Variants in LPP observed in about 807,000 individuals in gnomAD.
LPP encodes LIM domain containing preferred translocation partner in lipoma.
Under a neutral mutation model 60.4 loss-of-function variants are expected in LPP, and 38 were observed. The ratio of observed to expected loss-of-function variants is 0.63; its 90% CI spans 0.49 to 0.83. LPP has a LOEUF of 0.83. LPP is among the 40% of genes least tolerant of loss of function. The pLI is 0.00. For missense variants in LPP, 902 were observed against 783.6 expected (o/e 1.15, Z -1.80); for synonymous variants, 328 against 290.8 (o/e 1.13, Z -1.30).
At chr3:188,248,467 T>TC (rs1560154756) in intron 2 of LPP, among the ~76,000 whole-genome samples, 2 of 114,772 alleles carry the variant, frequency 1.7e-5, no homozygotes, top group Non-Finnish European at 3.5e-5. Flanking sequence ...GCAGTATAAC[T>TC]TTATATATAT....
chr3:188,696,240 T>TCTCA lies in LPP; in HGVS notation c.1114-12025_1114-12024insCACT, dbSNP rs536856405. On this transcript the variant is annotated intron_variant, in intron 7 of 11. Transcript: ENST00000617246. ...ACACAGTACTCTCTCTCTCTCTCTCTCTGTCTCTCTTAATCTGTATCATCC... is the reference window on the plus strand; with the variant it reads ...ACACAGTACTCTCTCTCTCTCTCTCTCTCACTGTCTCTCTTAATCTGTATCATCC... Among the ~76,000 whole-genome samples, 118 of 152,264 alleles carry TCTCA rather than the reference T, an allele frequency of 7.7e-4. 1 individual carries two copies. In the Middle Eastern group the frequency reaches 0.02, roughly 26 times the overall value.
chr3:188,182,667 T>C lies in LPP; in HGVS notation c.-190+28415T>C, dbSNP rs1725363128. ...ATGATGGTGTTTGCTGAAGGGAACATAGGGATCTTTAAGTCCAGTGATTTT... is the reference window on the plus strand; with the variant it reads ...ATGATGGTGTTTGCTGAAGGGAACACAGGGATCTTTAAGTCCAGTGATTTT... On this transcript the variant is annotated intron_variant, in intron 1 of 11. Coordinates refer to ENST00000617246, the MANE Select transcript of LPP (RefSeq NM_001375462.1). This position sits in a 1 kb window ranked among gnomAD's most constrained non-coding sequence, Gnocchi z 4.4. 6.6e-6 allele frequency among the ~76,000 whole-genome samples: 1 copy of C among 151,782 alleles called. No homozygotes were observed. Among genetic ancestry groups the C allele is most frequent in the Non-Finnish European group, 1.5e-5 (1 of 67,954 alleles).
intron 10 of LPP, among the ~76,000 whole-genome samples, chr3:188,871,319 C>A (rs1768032374): frequency 6.6e-6 from 1 of 152,152 alleles, no homozygotes; most frequent in East Asian, 1.9e-4. Context: ...TTTTTTGCCA[C>A]TGAATATAAA....
chr3:188,455,367 G>A (rs369700833), intron 4 of LPP, among the ~76,000 whole-genome samples: 18 of 152,230 alleles, frequency 1.2e-4, no homozygotes, highest in African/African-American at 2.9e-4. Context: ...TAGAATATGC[G>A]CACACCCAGG....
chr3:188,715,551 A>C (rs1335811586), intron 8 of LPP, among the ~76,000 whole-genome samples: 1 of 152,200 alleles, frequency 6.6e-6, no homozygotes, highest in Non-Finnish European at 1.5e-5. Context: ...GGACATCTAC[A>C]GGGCTAGTTG....
intron 2 of LPP, among the ~76,000 whole-genome samples, chr3:188,313,565 A>T (rs1012676184): frequency 4.6e-5 from 7 of 151,184 alleles, no homozygotes; most frequent in African/African-American, 1.5e-4. Context: ...TTGAACTGGG[A>T]GGTGGAGGTT....
At chr3:188,645,515 G>C (rs2148880550) in intron 7 of LPP, among the ~76,000 whole-genome samples, 1 of 152,242 alleles carries the variant, frequency 6.6e-6, no homozygotes, top group Non-Finnish European at 1.5e-5. Flanking sequence ...ATCAGATGTT[G>C]TTATGTGAGG....
intron 2 of LPP, among the ~76,000 whole-genome samples, chr3:188,240,951 C>G (rs1724392508): frequency 6.6e-6 from 1 of 152,238 alleles, no homozygotes; most frequent in East Asian, 1.9e-4. Flanking sequence ...ATGTCCTTAA[C>G]TATATGATTC....
intron 5 of LPP, among the ~76,000 whole-genome samples, chr3:188,509,850 G>C (rs527376789): frequency 6.8e-6 from 1 of 146,390 alleles, no homozygotes; most frequent in Non-Finnish European, 1.5e-5. Context: ...GTGCCACCAT[G>C]CCTGGCTAAT....
intron 1 of LPP, among the ~76,000 whole-genome samples, chr3:188,155,532 C>T (rs925245068): frequency 6.6e-5 from 10 of 152,186 alleles, no homozygotes; most frequent in Non-Finnish European, 8.8e-5. Flanking sequence ...CTCTCCCATC[C>T]TCCCCCTTCC....
intron 2 of LPP, among the ~76,000 whole-genome samples, chr3:188,240,406 A>G (rs547992196): frequency 2.0e-5 from 3 of 151,626 alleles, no homozygotes; most frequent in East Asian, 1.9e-4. Context: ...AAAGAGGTAA[A>G]GAGGAACAAA....
intron 9 of LPP, among the ~76,000 whole-genome samples, chr3:188,849,077 A>T (rs1324562720): frequency 6.6e-6 from 1 of 152,242 alleles, no homozygotes; most frequent in Non-Finnish European, 1.5e-5. Context: ...AAGGAGGTAG[A>T]AGGCACAGCA....
chr3:188,224,365 A>G (rs1174136640), intron 1 of LPP, among the ~76,000 whole-genome samples: 1 of 152,158 alleles, frequency 6.6e-6, no homozygotes, highest in Non-Finnish European at 1.5e-5. Flanking sequence ...AGTTTCTCGT[A>G]TGTGGATTTC....
At chr3:188,848,749 C>T (rs759697793) in intron 9 of LPP, among the ~76,000 whole-genome samples, 4 of 152,160 alleles carry the variant, frequency 2.6e-5, no homozygotes, top group Non-Finnish European at 5.9e-5. Context: ...GGATGGATCA[C>T]AAGGTCAAGA....
At chr3:188,225,329 C>T (rs1183908806) in intron 1 of LPP, 76 bp from the exon 2 acceptor site, 1 of 152,156 alleles carries the variant, frequency 6.6e-6, no homozygotes, top group Non-Finnish European at 1.5e-5. Flanking sequence ...CAGTCAGAGA[C>T]TTTATAAGCC....
At chr3:188,642,596 C>A (rs1275901699) in intron 7 of LPP, among the ~76,000 whole-genome samples, 1 of 152,120 alleles carries the variant, frequency 6.6e-6, no homozygotes, top group East Asian at 1.9e-4. Context: ...AAGAGGTCAA[C>A]AATTGGGATA....
intron 3 of LPP, among the ~76,000 whole-genome samples, chr3:188,356,055 C>T (rs2150881297): frequency 6.6e-6 from 1 of 152,280 alleles, no homozygotes; most frequent in East Asian, 1.9e-4. Flanking sequence ...GTTTTCACTA[C>T]AGAATCATCA....
At chr3:188,787,711 T>TTTAATAGATTTCCTCTCTTCATTCC (rs1387132783) in intron 9 of LPP, among the ~76,000 whole-genome samples, 2 of 152,212 alleles carry the variant, frequency 1.3e-5, no homozygotes, top group Non-Finnish European at 2.9e-5. Flanking sequence ...TTCTACCGTT[T>TTTAATAGATTTCCTCTCTTCATTCC]TTAATAGATT....
intron 1 of LPP, among the ~76,000 whole-genome samples, chr3:188,202,801 C>T (rs139822526): frequency 6.6e-6 from 1 of 151,992 alleles, no homozygotes; most frequent in African/African-American, 2.4e-5. Context: ...GTTTGCTGCT[C>T]ATGGAGGTTT....
Sources: allele counts gnomAD v4.1 joint callset (sites outside exome capture counted in the v4.1 genomes callset), GRCh38; gene constraint gnomAD v4.1.1; non-coding constraint Gnocchi (gnomAD v3.1); transcripts MANE v1.5; gene names NCBI Gene and HGNC (gene_info 2026-07-23, HGNC 2026-07-21).